CCSER1: variants seen among roughly 807,000 people sequenced by gnomAD.
The protein encoded by CCSER1 is serine-rich coiled-coil domain-containing protein 1.
In CCSER1, 41 loss-of-function variants were observed where a neutral mutation model predicts 82.0. That is an observed-to-expected ratio of 0.50 (90% CI 0.39 to 0.65). The LOEUF is 0.65. Ranked by LOEUF, CCSER1 falls within the 30% of genes least tolerant of loss-of-function variation. The pLI, the probability that CCSER1 is intolerant of heterozygous loss-of-function variation, is 0.00. For synonymous variants in CCSER1, 414 were observed against 383.9 expected (o/e 1.08, Z -0.92); for missense variants, 1,119 against 1,064.2 (o/e 1.05, Z -0.72).
At chr4:91,383,206 G>T (rs1317492508) in intron 10 of CCSER1, among the ~76,000 whole-genome samples, 1 of 152,082 alleles carries the variant, frequency 6.6e-6, no homozygotes, top group Non-Finnish European at 1.5e-5. Flanking sequence ...ATGTATGCCT[G>T]TATTGTGCAT....
At chr4:90,861,926 A>ATATTTTTTT (rs1486179354) in intron 8 of CCSER1, among the ~76,000 whole-genome samples, 6 of 125,682 alleles carry the variant, frequency 4.8e-5, no homozygotes, top group African/African-American at 1.7e-4. Flanking sequence ...ATATATATAT[A>ATATTTTTTT]TTTTTTTTTT....
intron 6 of CCSER1, among the ~76,000 whole-genome samples, chr4:90,643,983 A>T (rs371599228): frequency 5.9e-5 from 9 of 152,100 alleles, no homozygotes; most frequent in Non-Finnish European, 1.0e-4. Flanking sequence ...GCTTGATAGT[A>T]CATTTATGAT....
At chr4:90,381,694 A>T (rs1457324505) in intron 3 of CCSER1, among the ~76,000 whole-genome samples, 1 of 152,156 alleles carries the variant, frequency 6.6e-6, no homozygotes, top group East Asian at 1.9e-4. Context: ...GTTCATAGAA[A>T]TAAATCTTAG....
chr4:91,270,701 G>A (rs576363244), intron 10 of CCSER1, among the ~76,000 whole-genome samples: 147 of 152,254 alleles, frequency 9.7e-4, no homozygotes, highest in African/African-American at 3.4e-3. Flanking sequence ...TTCAGTTCAA[G>A]GCTGTCAGTG....
At chr4:90,915,646 T>G (rs932834373) in intron 8 of CCSER1, among the ~76,000 whole-genome samples, 17 of 152,116 alleles carry the variant, frequency 1.1e-4, no homozygotes, top group Non-Finnish European at 2.2e-4. Context: ...TTCAACATAG[T>G]GTTGGAAGTT....
At chr4:91,540,123 T>C (rs1443491279) in intron 10 of CCSER1, among the ~76,000 whole-genome samples, 1 of 152,128 alleles carries the variant, frequency 6.6e-6, no homozygotes, top group African/African-American at 2.4e-5. Context: ...GAATGAAAAC[T>C]ATGAAGTTCC....
chr4:90,497,716 G>T (rs540601193), intron 5 of CCSER1, among the ~76,000 whole-genome samples: 1 of 152,202 alleles, frequency 6.6e-6, no homozygotes, highest in East Asian at 1.9e-4. Flanking sequence ...CTTCACTAAC[G>T]TTGCATAACA....
intron 5 of CCSER1, among the ~76,000 whole-genome samples, chr4:90,476,916 A>G (rs934749514): frequency 1.1e-4 from 17 of 152,256 alleles, no homozygotes; most frequent in African/African-American, 4.1e-4. Flanking sequence ...ATATGACTGA[A>G]GTGTTTTAGC....
At chr4:90,689,204 G>A (rs1275819666) in intron 6 of CCSER1, among the ~76,000 whole-genome samples, 1 of 152,076 alleles carries the variant, frequency 6.6e-6, no homozygotes. Flanking sequence ...TCAAATCAAT[G>A]CAGGGAACAC....
chr4:90,515,637 TG>T (rs1428841652), intron 5 of CCSER1, among the ~76,000 whole-genome samples: 20 of 152,350 alleles, frequency 1.3e-4, no homozygotes, highest in South Asian at 4.1e-4. Context: ...ATTCTAGGCC[TG>T]TAAATCTAAG....
At chr4:90,921,956 AT>A (rs1473306907) in intron 8 of CCSER1, among the ~76,000 whole-genome samples, 4 of 152,028 alleles carry the variant, frequency 2.6e-5, no homozygotes, top group South Asian at 2.1e-4. Flanking sequence ...AGATAAATAC[AT>A]TTTTTTCTCA....
At chr4:91,546,026 A>G (rs938554663) in intron 10 of CCSER1, among the ~76,000 whole-genome samples, 37 of 152,068 alleles carry the variant, frequency 2.4e-4, no homozygotes, top group African/African-American at 8.4e-4. Flanking sequence ...TTTTTTCTGC[A>G]TCTATTGATA....
intron 10 of CCSER1, among the ~76,000 whole-genome samples, chr4:91,429,118 T>C (rs1352354678): frequency 1.3e-5 from 2 of 152,018 alleles, no homozygotes; most frequent in Non-Finnish European, 2.9e-5. Context: ...ATCATAATAC[T>C]TTTTCTTTTC....
At chr4:90,594,197 C>T (rs1464161460) in intron 5 of CCSER1, among the ~76,000 whole-genome samples, 1 of 151,832 alleles carries the variant, frequency 6.6e-6, no homozygotes, top group African/African-American at 2.4e-5. Flanking sequence ...TTTATTTTCT[C>T]TTTTAACTGA....
At chr4:90,705,403 T>G (rs1219873321) in intron 6 of CCSER1, among the ~76,000 whole-genome samples, 1 of 152,190 alleles carries the variant, frequency 6.6e-6, no homozygotes, top group Non-Finnish European at 1.5e-5. Context: ...GCCTCCCAGT[T>G]AGGCTATTCG....
intron 3 of CCSER1, among the ~76,000 whole-genome samples, chr4:90,376,962 C>T (rs566772397): frequency 3.6e-4 from 55 of 152,278 alleles, no homozygotes; most frequent in African/African-American, 9.9e-4. Flanking sequence ...GTTTGCGTTT[C>T]ACCTGCACCA....
chr4:90,367,316 C>A (rs28707208), intron 3 of CCSER1, among the ~76,000 whole-genome samples: 1 of 151,478 alleles, frequency 6.6e-6, no homozygotes, highest in Non-Finnish European at 1.5e-5. Flanking sequence ...CTTTATAAGC[C>A]GGGGATCCCT....
chr4:90,267,189 C>T (rs1725388303), intron 1 of CCSER1, among the ~76,000 whole-genome samples: 1 of 151,888 alleles, frequency 6.6e-6, no homozygotes, highest in Non-Finnish European at 1.5e-5. Flanking sequence ...CTTCAGTGAA[C>T]ATCAGTGGTA....
intron 5 of CCSER1, among the ~76,000 whole-genome samples, chr4:90,534,439 TTTTG>T (rs1775029280): frequency 7.7e-6 from 1 of 129,866 alleles, no homozygotes; most frequent in African/African-American, 3.1e-5. Flanking sequence ...TGTGCCAGCC[TTTTG>T]TGTGTGTGTG....
Sources: allele counts gnomAD v4.1 joint callset (sites outside exome capture counted in the v4.1 genomes callset), GRCh38; gene constraint gnomAD v4.1.1; transcripts MANE v1.5; gene names NCBI Gene and HGNC (gene_info 2026-07-23, HGNC 2026-07-21).